Variants in CALN1 observed in about 807,000 individuals in gnomAD.
CALN1 encodes the protein calneuron 1.
In CALN1, 17 loss-of-function variants were observed where a neutral mutation model predicts 30.6. The ratio of observed to expected loss-of-function variants is 0.56; its 90% CI spans 0.38 to 0.83. CALN1 has a LOEUF of 0.83. Among genes scored for constraint, CALN1 ranks in the 40% least tolerant of loss-of-function variants. The pLI is 0.00. For synonymous variants in CALN1, 156 were observed against 131.4 expected, an observed-to-expected ratio of 1.19 and a Z score of -1.28; for missense variants, 291 against 354.9, an observed-to-expected ratio of 0.82 and a Z score of 1.45.
intron 3 of CALN1, among the ~76,000 whole-genome samples, chr7:72,256,774 G>A (rs764214129): frequency 1.1e-4 from 16 of 152,076 alleles, no homozygotes; most frequent in Non-Finnish European, 8.8e-5. Context: ...GCCTGACCTA[G>A]TTAACTCATT....
chr7:72,091,646 T>C (rs1407902118), intron 4 of CALN1, among the ~76,000 whole-genome samples: 1 of 151,852 alleles, frequency 6.6e-6, no homozygotes, highest in Non-Finnish European at 1.5e-5. Context: ...ATAGGTAGGG[T>C]TGCAAACTCT....
At chr7:72,082,898 T>A (rs1805242628) in intron 4 of CALN1, among the ~76,000 whole-genome samples, 1 of 152,100 alleles carries the variant, frequency 6.6e-6, no homozygotes, top group Non-Finnish European at 1.5e-5. Context: ...AATCAGGAAT[T>A]ATGAGAAGAT....
chr7:72,380,603 T>C (rs558930175), intron 2 of CALN1, among the ~76,000 whole-genome samples: 53 of 152,262 alleles, frequency 3.5e-4, no homozygotes, highest in African/African-American at 1.2e-3. Context: ...CCCTGCAAGC[T>C]TCATGTCCTA....
At chr7:71,963,840 GGAA>G (rs1797391110) in intron 5 of CALN1, among the ~76,000 whole-genome samples, 1 of 152,052 alleles carries the variant, frequency 6.6e-6, no homozygotes, top group South Asian at 2.1e-4. Context: ...TTTGCAAATG[GGAA>G]AACTGAGGCA....
At position 72,244,697 on chromosome 7, in the gene CALN1, C is replaced by G. The variant is rs1795051707; in HGVS notation, c.244+33989G>C. Among the ~76,000 whole-genome samples the G allele has an allele frequency of 2.6e-5, 4 of 151,014 alleles. No homozygotes were observed. In the South Asian group the frequency reaches 8.4e-4, roughly 32 times the overall value. On this transcript the variant is annotated intron_variant, in intron 3 of 6. Transcript: ENST00000395275. ...GAGTAGGAACTCAGCAGGTGAAGAA[C>G]AAGCAGAAAGGGCTTCCCAGACAGA...
intron 6 of CALN1, among the ~76,000 whole-genome samples, chr7:71,802,981 G>A (rs934437871): frequency 6.6e-5 from 10 of 151,966 alleles, no homozygotes; most frequent in Non-Finnish European, 1.0e-4. Flanking sequence ...CTGAGATCGC[G>A]CCACTGCACT....
intron 4 of CALN1, among the ~76,000 whole-genome samples, chr7:72,059,389 T>C (rs1304732688): frequency 5.3e-5 from 8 of 152,144 alleles, no homozygotes; most frequent in Non-Finnish European, 5.9e-5. Flanking sequence ...TATGGGCAGA[T>C]TGAAGCAAAC....
chr7:72,068,580 T>C (rs1165265334), intron 4 of CALN1, among the ~76,000 whole-genome samples: 1 of 152,148 alleles, frequency 6.6e-6, no homozygotes, highest in Non-Finnish European at 1.5e-5. Context: ...CTCCACTTCA[T>C]GGGTTCAAGC....
chr7:72,084,882 T>G (rs1179016172), intron 4 of CALN1, among the ~76,000 whole-genome samples: 1 of 152,176 alleles, frequency 6.6e-6, no homozygotes, highest in Non-Finnish European at 1.5e-5. Flanking sequence ...AAACAATTCA[T>G]AAGTCTTCAA....
intron 5 of CALN1, among the ~76,000 whole-genome samples, chr7:71,998,736 T>C (rs1276851632): frequency 6.6e-6 from 1 of 152,086 alleles, no homozygotes; most frequent in Non-Finnish European, 1.5e-5. Context: ...TTTGTATTTT[T>C]AGTAGAGATG....
At chr7:72,013,457 G>C (rs73368118) in intron 5 of CALN1, among the ~76,000 whole-genome samples, 1 of 151,600 alleles carries the variant, frequency 6.6e-6, no homozygotes, top group African/African-American at 2.4e-5. Context: ...TCACTATGTC[G>C]CCTAGGCTCC....
chr7:72,160,389 C>T (rs1788017736), intron 3 of CALN1, among the ~76,000 whole-genome samples: 1 of 152,012 alleles, frequency 6.6e-6, no homozygotes, highest in Admixed American at 6.6e-5. Flanking sequence ...AGCGATGCCC[C>T]TGCCTCAGCC....
intron 3 of CALN1, among the ~76,000 whole-genome samples, chr7:72,134,218 C>A (rs1207253115): frequency 2.6e-5 from 4 of 152,230 alleles, no homozygotes; most frequent in African/African-American, 9.6e-5. Flanking sequence ...CCTTGCCAGA[C>A]ACCATTCCTG....
At chr7:72,395,333 TACAC>T (rs943990523) in intron 2 of CALN1, among the ~76,000 whole-genome samples, 5 of 142,280 alleles carry the variant, frequency 3.5e-5, no homozygotes, top group Non-Finnish European at 6.1e-5. Context: ...AGCAAACACA[TACAC>T]ACACACGCTG....
rs537380480 is a variant in CALN1, at chr7:71,875,709, A to G, written c.502-65217T>C. 1.3e-4 allele frequency among the ~76,000 whole-genome samples: 20 copies of G among 152,326 alleles called. No homozygotes were observed. In the East Asian group the frequency reaches 3.3e-3, roughly 25 times the overall value. On this transcript the variant is annotated intron_variant, in intron 5 of 6. Transcript: ENST00000395275. ...AGAAGCCACCTGTCACTGTCTTTCT[A>G]AAGTGAAAAAGAGGTGGGGTAAGGG...
intron 6 of CALN1, among the ~76,000 whole-genome samples, chr7:71,789,919 G>T (rs994900385): frequency 2.6e-5 from 4 of 151,578 alleles, no homozygotes; most frequent in African/African-American, 9.7e-5. Flanking sequence ...AACATAGAAA[G>T]ACCCTGTCCC....
At chr7:71,825,798 C>T (rs1422458988) in intron 5 of CALN1, among the ~76,000 whole-genome samples, 3 of 151,830 alleles carry the variant, frequency 2.0e-5, no homozygotes, top group South Asian at 2.1e-4. Flanking sequence ...TCTGAGAGGC[C>T]GAGGCAGGCT....
chr7:72,373,657 A>G (rs1363015842), intron 2 of CALN1, among the ~76,000 whole-genome samples: 1 of 152,222 alleles, frequency 6.6e-6, no homozygotes, highest in Admixed American at 6.5e-5. Context: ...TAGGTTAGGT[A>G]TATTACATGC....
Position 71,938,675 on chromosome 7 carries a change from G to T in CALN1, c.501+84982C>A, listed in dbSNP as rs6949633. Among the ~76,000 whole-genome samples the T allele has an allele frequency of 4.6e-3, 703 of 152,134 alleles. 3 individuals carry two copies. Among genetic ancestry groups the T allele is most frequent in the African/African-American group, 0.016 (680 of 41,508 alleles). ...CTGGGCGTGGTGGCAGGCACCTATA[G>T]TCACAGCTACTCGGGAGCCTGAGGC... On this transcript the variant is annotated intron_variant, in intron 5 of 6. Coordinates refer to ENST00000395275, the MANE Select transcript of CALN1 (RefSeq NM_031468.4).
Sources: allele counts gnomAD v4.1 joint callset (sites outside exome capture counted in the v4.1 genomes callset), GRCh38; gene constraint gnomAD v4.1.1; transcripts MANE v1.5; gene names NCBI Gene and HGNC (gene_info 2026-07-23, HGNC 2026-07-21).